PDCD1LG2: variants seen among roughly 807,000 people sequenced by gnomAD.
The protein encoded by PDCD1LG2 is programmed cell death 1 ligand 2.
In PDCD1LG2, 32 loss-of-function variants were observed where a neutral mutation model predicts 28.2. That is an observed-to-expected ratio of 1.13 (90% CI 0.86 to 1.52). The LOEUF is 1.52. PDCD1LG2 is among the 40% of genes most tolerant of loss of function. PDCD1LG2 has a pLI of 0.00. For synonymous variants in PDCD1LG2, 116 were observed against 120.2 expected (o/e 0.97, Z 0.23); for missense variants, 385 against 323.8 (o/e 1.19, Z -1.45).
chr9:5,567,998 ACCACAGCGTCAGCATTCCAC>A (rs1816698092), intron 6 of PDCD1LG2, among the ~76,000 whole-genome samples: 1 of 152,182 alleles, frequency 6.6e-6, no homozygotes, highest in African/African-American at 2.4e-5. Context: ...CTGAGAACTG[ACCACAGCGTCAGCATTCCAC>A]ATGGGTGTGT....
intron 2 of PDCD1LG2, among the ~76,000 whole-genome samples, chr9:5,525,844 C>T (rs1045571721): frequency 6.6e-6 from 1 of 151,658 alleles, no homozygotes; most frequent in Non-Finnish European, 1.5e-5. Context: ...GTCAGGAGAC[C>T]GAGACCAGCC....
At chr9:5,542,796 T>C (rs774185010) in intron 3 of PDCD1LG2, among the ~76,000 whole-genome samples, 6 of 151,958 alleles carry the variant, frequency 3.9e-5, no homozygotes, top group African/African-American at 7.3e-5. Context: ...TAAAAGTAGA[T>C]CTACCATTTG....
chr9:5,516,664 T>A (rs901377397), intron 1 of PDCD1LG2, among the ~76,000 whole-genome samples: 1 of 152,190 alleles, frequency 6.6e-6, no homozygotes, highest in Non-Finnish European at 1.5e-5. Flanking sequence ...CTGCTCAGCC[T>A]CCCTCTGTGC....
At chr9:5,515,115 C>G (rs1392187284) in intron 1 of PDCD1LG2, among the ~76,000 whole-genome samples, 2 of 152,144 alleles carry the variant, frequency 1.3e-5, no homozygotes, top group Non-Finnish European at 2.9e-5. Context: ...GTCCAAGTTC[C>G]CACAAGCATT....
intron 3 of PDCD1LG2, among the ~76,000 whole-genome samples, chr9:5,538,097 A>G (rs2129813988): frequency 6.6e-6 from 1 of 152,312 alleles, no homozygotes; most frequent in African/African-American, 2.4e-5. Context: ...AAAAGAAACA[A>G]TTTAGACAGA....
At chr9:5,528,790 C>T (rs1362034537) in intron 2 of PDCD1LG2, among the ~76,000 whole-genome samples, 2 of 152,146 alleles carry the variant, frequency 1.3e-5, no homozygotes, top group Non-Finnish European at 2.9e-5. Context: ...GGCTGGAGTT[C>T]ACTGTCGTGG....
rs151227311 is a variant in PDCD1LG2 at position 5,549,370 on chromosome 9, G to T, written c.397G>T (p.Val133Phe). 4 of 1,613,870 alleles carry T rather than the reference G, an allele frequency of 2.5e-6. No individual in the cohort carries two copies. The highest frequency in any genetic ancestry group is 2.7e-5 in the African/African-American group (2 of 74,864). Residue 133 changes from valine to phenylalanine, a missense_variant, in exon 4 of 7, where the codon GTT becomes TTT. By Grantham distance (50) the Val-to-Phe change is conservative. Transcript: ENST00000397747. The stretch of plus-strand genomic sequence containing the variant: ...GAAAATAAACACTCACATCCTAAAG[G>T]TTCCAGAAACAGATGAGGTAGAGCT... ...YRKINTHILK[V>F]PETDEVELTC... is the part of the protein sequence containing the mutation.
At chr9:5,565,557 A>G (rs1015066063) in intron 6 of PDCD1LG2, among the ~76,000 whole-genome samples, 8 of 152,124 alleles carry the variant, frequency 5.3e-5, no homozygotes, top group Non-Finnish European at 8.8e-5. Flanking sequence ...TTTCCTCTGC[A>G]TTGTACACAC....
chr9:5,511,153 A>T (rs936871885), intron 1 of PDCD1LG2, among the ~76,000 whole-genome samples: 4 of 152,178 alleles, frequency 2.6e-5, no homozygotes, highest in Non-Finnish European at 5.9e-5. Context: ...TTTTCCTATG[A>T]CTGACATCTG....
At chr9:5,512,416 C>G (rs1820079255) in intron 1 of PDCD1LG2, among the ~76,000 whole-genome samples, 1 of 152,152 alleles carries the variant, frequency 6.6e-6, no homozygotes, top group Admixed American at 6.5e-5. Context: ...GTCTTCACGG[C>G]TCCCTATGAT....
intron 1 of PDCD1LG2, among the ~76,000 whole-genome samples, chr9:5,520,111 A>G (rs1820245457): frequency 6.6e-6 from 1 of 152,182 alleles, no homozygotes; most frequent in Non-Finnish European, 1.5e-5. Context: ...AAATGTAAGG[A>G]AGCCCGAATA....
chr9:5,531,744 C>A (rs1440943751), intron 2 of PDCD1LG2, among the ~76,000 whole-genome samples: 1 of 152,146 alleles, frequency 6.6e-6, no homozygotes, highest in African/African-American at 2.4e-5. Context: ...TACCCAAAGT[C>A]ATCTATTTAA....
At chr9:5,558,280 T>C (rs1056360405) in intron 5 of PDCD1LG2, among the ~76,000 whole-genome samples, 2 of 152,232 alleles carry the variant, frequency 1.3e-5, no homozygotes, top group Non-Finnish European at 2.9e-5. Flanking sequence ...CATTAACGTC[T>C]TTCAGCAGCT....
In PDCD1LG2 at chr9:5,557,433, A is replaced by T. The variant is rs186544141; in HGVS notation, c.632-185A>T. ...TGAAATGGGGATCATAGCAGAGCCA[A>T]CTTCACAGAGTGGTTGCGAGGAGTG... On this transcript the variant is annotated intron_variant, in intron 4 of 6. Transcript: ENST00000397747. Among the ~76,000 whole-genome samples, 9 of 152,318 alleles carry T rather than the reference A, an allele frequency of 5.9e-5. No individual in the cohort carries two copies. The East Asian group carries it at 1.5e-3, about 26-fold the overall frequency.
chr9:5,551,126 G>T (rs150696906), intron 4 of PDCD1LG2, among the ~76,000 whole-genome samples: 229 of 152,246 alleles, frequency 1.5e-3, no homozygotes, highest in African/African-American at 5.2e-3. Context: ...AATTCCTTTT[G>T]CCATGTAAGG....
chr9:5,553,379 T>C (rs1319987241), intron 4 of PDCD1LG2, among the ~76,000 whole-genome samples: 1 of 152,228 alleles, frequency 6.6e-6, no homozygotes, highest in Non-Finnish European at 1.5e-5. Flanking sequence ...TTTTTTCCCC[T>C]GGAATTGTTT....
chr9:5,543,849 A>G (rs1177537863), intron 3 of PDCD1LG2, among the ~76,000 whole-genome samples: 2 of 133,366 alleles, frequency 1.5e-5, no homozygotes, highest in African/African-American at 5.6e-5. Context: ...AAAAAAGAAA[A>G]CAATGTCCTG....
intron 2 of PDCD1LG2, among the ~76,000 whole-genome samples, chr9:5,532,381 T>C (rs1820500353): frequency 6.6e-6 from 1 of 152,234 alleles, no homozygotes. Context: ...CATATCACTA[T>C]CAAGTGTGCT....
intron 2 of PDCD1LG2, among the ~76,000 whole-genome samples, chr9:5,522,865 G>C (rs909700449): frequency 6.6e-6 from 1 of 152,114 alleles, no homozygotes; most frequent in African/African-American, 2.4e-5. Context: ...AAGAAGACAG[G>C]ATCACTCAGA....
Sources: allele counts gnomAD v4.1 joint callset (sites outside exome capture counted in the v4.1 genomes callset), GRCh38; gene constraint gnomAD v4.1.1; transcripts MANE v1.5; gene names NCBI Gene and HGNC (gene_info 2026-07-23, HGNC 2026-07-21).